The following SERPINA10 variants were observed in gnomAD, a reference collection of about 807,000 sequenced individuals.
SERPINA10 encodes protein Z-dependent protease inhibitor.
Under a neutral mutation model 28.0 loss-of-function variants are expected in SERPINA10, and 24 were observed. The ratio of observed to expected loss-of-function variants is 0.86; its 90% CI spans 0.62 to 1.20. The LOEUF (loss-of-function observed/expected upper bound fraction) is 1.20, where lower values mean the gene tolerates loss of function less well. Ranked by LOEUF, SERPINA10 falls within the 50% of genes most tolerant of loss-of-function variation. The probability of loss-of-function intolerance (pLI) is 0.00; values close to 1 mark genes in which losing one functional copy is unlikely to be tolerated. For missense variants in SERPINA10, 521 were observed against 537.7 expected, an observed-to-expected ratio of 0.97 and a Z score of 0.31; for synonymous variants, 207 against 203.9, an observed-to-expected ratio of 1.02 and a Z score of -0.13.
chr14:94,286,868 T>C (rs1055524156), intron 3 of SERPINA10, among the ~76,000 whole-genome samples: 3 of 152,208 alleles, frequency 2.0e-5, no homozygotes, highest in African/African-American at 7.2e-5. Flanking sequence ...ACTTGAGGGC[T>C]TATGATGTTT....
chr14:94,289,258 C>A (rs578260652), intron 2 of SERPINA10, among the ~76,000 whole-genome samples: 2 of 152,194 alleles, frequency 1.3e-5, no homozygotes, highest in Non-Finnish European at 2.9e-5. Flanking sequence ...ATCAGGGGGT[C>A]AGGAGGCCCT....
Position 94,281,105 on chromosome 14 carries a change from C to T in SERPINA10, c.*2860G>A, listed in dbSNP as rs1050904133. 6.6e-6 allele frequency: 1 copy of T among 152,088 alleles called. No individual in the cohort carries two copies. The highest frequency in any genetic ancestry group is 1.5e-5 in the Non-Finnish European group (1 of 68,012). The allele number at this position is 152,088 out of a possible 1,614,324, so 9.4% of individuals were successfully genotyped here. On this transcript the variant is annotated 3_prime_UTR_variant, in exon 5 of 5. Transcript: ENST00000261994. ...TTGTTACAGCATATATATGTGAGAA[C>T]GTGTGGTTGAGTGTGTCTGTGTAGG... is the stretch of plus-strand genomic sequence containing the variant.
chr14:94,286,133 G>A lies in SERPINA10; in HGVS notation c.1118C>T (p.Thr373Ile). The part of the protein sequence containing the change: ...PFADLSELSA[T>I]GRNLQVSRVL... ...CCTGGATACTTGGAGATTTCTTCCAGTAGCTGAGAGTTCACTAAGGTCAGC... is the reference window on the plus strand; with the variant it reads ...CCTGGATACTTGGAGATTTCTTCCAATAGCTGAGAGTTCACTAAGGTCAGC... Residue 373 changes from threonine to isoleucine, a missense_variant, in exon 4 of 5, where the codon ACT becomes ATT. Transcript: ENST00000261994. 1 of 1,614,146 alleles carries A rather than the reference G, an allele frequency of 6.2e-7. No individual in the cohort carries two copies. The highest frequency in any genetic ancestry group is 1.1e-5 in the South Asian group (1 of 91,078).
chr14:94,293,020 TC>T (rs1486246039), intron 1 of SERPINA10, 168 bp downstream of exon 1: 2 of 296,624 alleles, frequency 6.7e-6, no homozygotes, highest in Non-Finnish European at 1.3e-5. Context: ...CTTACCCCAC[TC>T]CAGCTCCCAA....
At chr14:94,285,986 G>T (rs753726902) in intron 4 of SERPINA10, 122 bp downstream of exon 4, 4 of 1,208,886 alleles carry the variant, frequency 3.3e-6, no homozygotes, top group Admixed American at 3.9e-5. Flanking sequence ...CAAGTATTTG[G>T]GACTTAAATC....
rs1480737375 is a variant in SERPINA10, at chr14:94,292,563, C to T, written c.-51+626G>A. On this transcript the variant is annotated intron_variant, in intron 1 of 4. Transcript: ENST00000261994. ...CCTGTACAATGGTCAGGAAATTAGC[C>T]CAGCACGCCAACTAGATGTCACCAC... is the stretch of plus-strand genomic sequence containing the variant. 4 of 700,890 alleles carry T rather than the reference C, an allele frequency of 5.7e-6. No individual in the cohort carries two copies. In the Admixed American group the frequency reaches 8.0e-5, roughly 14 times the overall value. The allele number at this position is 700,890 out of a possible 1,614,324, so 43.4% of individuals were successfully genotyped here. A position where few individuals can be genotyped will look rare whatever the true frequency, so the allele number is the denominator to read the frequency against.
chr14:94,284,967 A>G (rs1894984667), intron 4 of SERPINA10, among the ~76,000 whole-genome samples: 1 of 152,182 alleles, frequency 6.6e-6, no homozygotes, highest in East Asian at 1.9e-4. Flanking sequence ...TCATAGCAGA[A>G]ACACTTTCAG....
chr14:94,281,114 G>A lies in SERPINA10; in HGVS notation c.*2851C>T, dbSNP rs1019436449. 2.0e-5 allele frequency: 3 copies of A among 152,322 alleles called. No individual in the cohort carries two copies. The highest frequency in any genetic ancestry group is 7.2e-5 in the African/African-American group (3 of 41,578). 9.4% of individuals were successfully genotyped at this position (152,322 alleles called of 1,614,324 possible). ...CATATATATGTGAGAACGTGTGGTTGAGTGTGTCTGTGTAGGAACAATTTT... is the reference window on the plus strand; with the variant it reads ...CATATATATGTGAGAACGTGTGGTTAAGTGTGTCTGTGTAGGAACAATTTT... On this transcript the variant is annotated 3_prime_UTR_variant, in exon 5 of 5. Coordinates refer to ENST00000261994, the MANE Select transcript of SERPINA10 (RefSeq NM_001100607.3).
chr14:94,282,813 A>G lies in SERPINA10; in HGVS notation c.*1152T>C, dbSNP rs771929527. 1 of 152,202 alleles carries G rather than the reference A, an allele frequency of 6.6e-6. No homozygotes were observed. The highest frequency in any genetic ancestry group is 2.4e-5 in the African/African-American group (1 of 41,460). 9.4% of individuals were successfully genotyped at this position (152,202 alleles called of 1,614,324 possible). On this transcript the variant is annotated 3_prime_UTR_variant, in exon 5 of 5. Transcript: ENST00000261994. ...CTTTCTACCAATGCAGCCATAGAAC[A>G]TATATATCTTCATGAAGGAAGGAGG... is the stretch of plus-strand genomic sequence containing the variant.
chr14:94,289,813 AG>A, intron 2 of SERPINA10, 62 bp downstream of exon 2: 1 of 1,557,294 alleles, frequency 6.4e-7, no homozygotes, highest in Non-Finnish European at 8.9e-7. Context: ...GCCTAACGAA[AG>A]GAAAGGGAGA....
chr14:94,290,670 T>G, intron 1 of SERPINA10, 27 bp from the exon 2 acceptor site: 1 of 1,580,486 alleles, frequency 6.3e-7, no homozygotes, highest in Non-Finnish European at 8.6e-7. Flanking sequence ...ATAGAGATGG[T>G]TTTAATGCCT....
chr14:94,290,438 C>A lies in SERPINA10; in HGVS notation c.156G>T (p.Glu52Asp). The A allele has an allele frequency of 6.2e-7, 1 of 1,613,714 alleles. No individual in the cohort carries two copies. Among genetic ancestry groups the A allele is most frequent in the Non-Finnish European group, 8.5e-7 (1 of 1,179,750 alleles). The change falls in exon 2 of 5, where the codon GAG (glutamate) becomes GAT (aspartate). Residue 52 changes from glutamate to aspartate, a missense_variant. By Grantham distance (45) the Glu-to-Asp change is conservative. Transcript: ENST00000261994. ...VQAPKEEEED[E>D]QEASEEKASE... is the part of the protein sequence containing the mutation. ...TGGCCTTCTCCTCGCTGGCCTCCTG[C>A]TCATCTTCCTCTTCCTCCTTGGGAG...
At chr14:94,285,362 G>A (rs967434871) in intron 4 of SERPINA10, among the ~76,000 whole-genome samples, 2 of 152,052 alleles carry the variant, frequency 1.3e-5, no homozygotes, top group African/African-American at 4.8e-5. Context: ...GGGATTCTAT[G>A]TGGATGGTGA....
chr14:94,285,281 A>G (rs930340676), intron 4 of SERPINA10, among the ~76,000 whole-genome samples: 6 of 152,122 alleles, frequency 3.9e-5, no homozygotes, highest in Non-Finnish European at 7.3e-5. Flanking sequence ...AACATGCACA[A>G]CTGCTCTGGA....
chr14:94,288,263 T>C, intron 3 of SERPINA10, 23 bp downstream of exon 3: 1 of 1,612,782 alleles, frequency 6.2e-7, no homozygotes, highest in South Asian at 1.1e-5. Context: ...AGAGTTTGTA[T>C]AGGGTGTGGG....
chr14:94,292,508 A>G, intron 1 of SERPINA10: 2 of 684,934 alleles, frequency 2.9e-6, no homozygotes, highest in Non-Finnish European at 5.4e-6. Flanking sequence ...AAGACCACAC[A>G]GAATACTCCT....
chr14:94,289,907 T>A lies in SERPINA10; in HGVS notation c.687A>T (p.Lys229Asn). 6.2e-7 allele frequency: 1 copy of A among 1,613,984 alleles called. No individual in the cohort carries two copies. Among genetic ancestry groups the A allele is most frequent in the Non-Finnish European group, 8.5e-7 (1 of 1,179,974 alleles). Reference protein sequence around the residue: ...KLFDEINPETKLILVDYILFK... With the variant: ...KLFDEINPETNLILVDYILFK... Reference sequence around the variant, plus strand: ...ACAAGATGTAATCCACAAGAATTAATTTGGTTTCAGGATTAATCTCATCAA... The same window carrying A: ...ACAAGATGTAATCCACAAGAATTAAATTGGTTTCAGGATTAATCTCATCAA... The change falls in exon 2 of 5, where the codon AAA becomes AAT. Residue 229 changes from lysine to asparagine, a missense_variant. Transcript: ENST00000261994.
Position 94,283,675 on chromosome 14 carries a change from A to T in SERPINA10, c.*290T>A. 1 of 448,474 alleles carries T rather than the reference A, an allele frequency of 2.2e-6. No individual in the cohort carries two copies. The highest frequency in any genetic ancestry group is 4.2e-5 in the East Asian group (1 of 23,934). 27.8% of individuals were successfully genotyped at this position (448,474 alleles called of 1,614,324 possible). On this transcript the variant is annotated 3_prime_UTR_variant, in exon 5 of 5. Transcript: ENST00000261994. The stretch of plus-strand genomic sequence containing the variant: ...TTTACTTAATGTTGTTATTATTGTT[A>T]ATCTCTTACTGTGCCTAATTTATAA...
rs746461975 is a variant in SERPINA10, at chr14:94,284,016, G to T, written c.1284C>A (p.Thr428=). 2.5e-6 allele frequency: 4 copies of T among 1,614,142 alleles called. No homozygotes were observed. The highest frequency in any genetic ancestry group is 1.7e-5 in the Admixed American group (1 of 60,020). Residue 428 remains threonine, a synonymous_variant, in exon 5 of 5, where the codon ACC becomes ACA. Transcript: ENST00000261994. ...TGCCCAGAAACAGAAGCATTCCAGA[G>T]GTTTCTTCATAGATCATGAAATGAA... The part of the protein sequence containing the change: ...RPFHFMIYEE[T]SGMLLFLGRV...
Sources: gnomAD v4.1 joint callset for allele counts (sites outside exome capture counted in the v4.1 genomes callset) on GRCh38, gnomAD v4.1.1 for gene constraint, MANE v1.5 for transcripts, NCBI Gene and HGNC (gene_info 2026-07-23, HGNC 2026-07-21) for gene names.